The following CLEC2D variants were observed in gnomAD, a reference collection of about 807,000 sequenced individuals.
CLEC2D encodes the protein C-type lectin domain family 2 member D, also known as C-type lectin related f.
In CLEC2D, 16 loss-of-function variants were observed where a neutral mutation model predicts 20.0. The ratio of observed to expected loss-of-function variants is 0.80; its 90% CI spans 0.54 to 1.22. The LOEUF (loss-of-function observed/expected upper bound fraction) is 1.22, where lower values mean the gene tolerates loss of function less well. CLEC2D is among the 50% of genes most tolerant of loss of function. The probability of loss-of-function intolerance (pLI) is 0.00; values close to 1 mark genes in which losing one functional copy is unlikely to be tolerated. For missense variants in CLEC2D, 207 were observed against 221.5 expected, an observed-to-expected ratio of 0.93 and a Z score of 0.42; for synonymous variants, 77 against 71.1, an observed-to-expected ratio of 1.08 and a Z score of -0.42.
At chr12:9,690,231 A>G (rs756787045) in intron 3 of CLEC2D, among the ~76,000 whole-genome samples, 44 of 152,260 alleles carry the variant, frequency 2.9e-4, no homozygotes, top group African/African-American at 9.6e-4. Context: ...AAGAAAAAAT[A>G]AAACTGCCAA....
rs1865953195 is a variant in CLEC2D at position 9,695,191 on chromosome 12, A to C, written c.*317A>C. ...ATGACAGAAGGCAAATGGGAAGCAAAGTCATGTCTTATGTGGTGGCAGGCA... is the reference window on the plus strand; with the variant it reads ...ATGACAGAAGGCAAATGGGAAGCAACGTCATGTCTTATGTGGTGGCAGGCA... On this transcript the variant is annotated 3_prime_UTR_variant, in exon 5 of 5. Coordinates refer to ENST00000290855, the MANE Select transcript of CLEC2D (RefSeq NM_013269.6). 3.4e-6 allele frequency: 2 copies of C among 589,928 alleles called. No individual in the cohort carries two copies. The highest frequency in any genetic ancestry group is 6.0e-6 in the Non-Finnish European group (2 of 331,188). 36.5% of individuals were successfully genotyped at this position (589,928 alleles called of 1,614,324 possible).
At chr12:9,674,493 A>G (rs1010927460) in intron 1 of CLEC2D, among the ~76,000 whole-genome samples, 1 of 152,174 alleles carries the variant, frequency 6.6e-6, no homozygotes, top group East Asian at 1.9e-4. Context: ...TGCCTTCCGC[A>G]TTCATCTCAC....
At chr12:9,690,197 G>A (rs74469545) in intron 3 of CLEC2D, among the ~76,000 whole-genome samples, 7 of 151,906 alleles carry the variant, frequency 4.6e-5, no homozygotes, top group African/African-American at 1.2e-4. Context: ...AGAAGGTAGT[G>A]GAATGGCATA....
chr12:9,695,509 T>C lies in CLEC2D; in HGVS notation c.*635T>C. 1 of 1,258,302 alleles carries C rather than the reference T, an allele frequency of 7.9e-7. No individual in the cohort carries two copies. Among genetic ancestry groups the C allele is most frequent in the Non-Finnish European group, 1.1e-6 (1 of 872,054 alleles). The allele number at this position is 1,258,302 out of a possible 1,614,324, so 77.9% of individuals were successfully genotyped here. ...ATAATGATGAAAATGAGACCAGTTA[T>C]CTTTAAGAACGGTCAGCTCAGGGGC... On this transcript the variant is annotated 3_prime_UTR_variant, in exon 5 of 5. Coordinates refer to ENST00000290855, the MANE Select transcript of CLEC2D (RefSeq NM_013269.6).
rs1866032297 is a variant in CLEC2D, at chr12:9,697,774, A to G, written c.*2900A>G. 2 of 152,204 alleles carry G rather than the reference A, an allele frequency of 1.3e-5. No homozygotes were observed. Among genetic ancestry groups the G allele is most frequent in the South Asian group, 4.1e-4 (2 of 4,832 alleles). The allele number at this position is 152,204 out of a possible 1,614,324, so 9.4% of individuals were successfully genotyped here. On this transcript the variant is annotated 3_prime_UTR_variant, in exon 5 of 5. Coordinates refer to ENST00000290855, the MANE Select transcript of CLEC2D (RefSeq NM_013269.6). ...AGTAGAATGGTGGTTACCAGAGATGAGGAAAATACAGAGACACAGGTCAAA... is the reference window on the plus strand; with the variant it reads ...AGTAGAATGGTGGTTACCAGAGATGGGGAAAATACAGAGACACAGGTCAAA...
At chr12:9,690,338 A>C (rs1416810793) in intron 3 of CLEC2D, among the ~76,000 whole-genome samples, 1 of 152,146 alleles carries the variant, frequency 6.6e-6, no homozygotes, top group African/African-American at 2.4e-5. Context: ...TATTACCAGT[A>C]GACATGTGCT....
At chr12:9,688,900 T>C (rs1464262091) in intron 3 of CLEC2D, among the ~76,000 whole-genome samples, 1 of 152,200 alleles carries the variant, frequency 6.6e-6, no homozygotes, top group African/African-American at 2.4e-5. Context: ...GGGAAGAGTT[T>C]GATAAAGAGG....
intron 2 of CLEC2D, among the ~76,000 whole-genome samples, chr12:9,681,882 A>G (rs1591694275): frequency 6.6e-6 from 1 of 152,236 alleles, no homozygotes; most frequent in East Asian, 1.9e-4. Context: ...ACATTTATGA[A>G]GCAAAAATAA....
intron 3 of CLEC2D, among the ~76,000 whole-genome samples, chr12:9,689,130 A>G (rs1311271456): frequency 6.6e-6 from 1 of 152,220 alleles, no homozygotes; most frequent in Non-Finnish European, 1.5e-5. Flanking sequence ...GAAGTGGGCT[A>G]TCATTGCATC....
rs1049986217 is a variant in CLEC2D at position 9,697,790 on chromosome 12, A to G, written c.*2916A>G. On this transcript the variant is annotated 3_prime_UTR_variant, in exon 5 of 5. Coordinates refer to ENST00000290855, the MANE Select transcript of CLEC2D (RefSeq NM_013269.6). ...CCAGAGATGAGGAAAATACAGAGAC[A>G]CAGGTCAAAAGATACAGAGTTGCAG... is the stretch of plus-strand genomic sequence containing the variant. 1 of 152,212 alleles carries G rather than the reference A, an allele frequency of 6.6e-6. No individual in the cohort carries two copies. Among genetic ancestry groups the G allele is most frequent in the African/African-American group, 2.4e-5 (1 of 41,452 alleles). 9.4% of individuals were successfully genotyped at this position (152,212 alleles called of 1,614,324 possible).
At chr12:9,686,874 C>G (rs1865759551) in intron 2 of CLEC2D, among the ~76,000 whole-genome samples, 1 of 152,206 alleles carries the variant, frequency 6.6e-6, no homozygotes, top group African/African-American at 2.4e-5. Context: ...AGGAAGTTCA[C>G]TGTACAACAA....
intron 2 of CLEC2D, among the ~76,000 whole-genome samples, chr12:9,681,448 C>A (rs1337907780): frequency 2.6e-5 from 4 of 152,136 alleles, no homozygotes; most frequent in Non-Finnish European, 5.9e-5. Context: ...TCACAGGCAG[C>A]CTGTTCTTTC....
intron 1 of CLEC2D, among the ~76,000 whole-genome samples, chr12:9,676,224 G>C (rs961064099): frequency 2.6e-5 from 4 of 152,146 alleles, no homozygotes; most frequent in African/African-American, 4.8e-5. Flanking sequence ...CCTTGTCCTT[G>C]ATCTTAGTGG....
intron 3 of CLEC2D, among the ~76,000 whole-genome samples, chr12:9,689,296 G>C (rs1462461650): frequency 2.6e-5 from 4 of 152,052 alleles, no homozygotes; most frequent in Admixed American, 2.6e-4. Context: ...GCACAACAGA[G>C]AATAAAAATA....
chr12:9,692,006 CAAGGAAACACAGCA>C (rs1445183860), intron 3 of CLEC2D, among the ~76,000 whole-genome samples: 2 of 152,154 alleles, frequency 1.3e-5, no homozygotes, highest in South Asian at 2.1e-4. Flanking sequence ...TACACATTGA[CAAGGAAACACAGCA>C]AAGGAAACCA....
intron 1 of CLEC2D, among the ~76,000 whole-genome samples, chr12:9,674,906 T>A (rs1360409490): frequency 6.6e-6 from 1 of 152,200 alleles, no homozygotes; most frequent in African/African-American, 2.4e-5. Flanking sequence ...ATCTAGGCTT[T>A]CTCTTATATT....
At position 9,695,890 on chromosome 12, in the gene CLEC2D, G is replaced by T; in HGVS notation, c.*1016G>T. 1 of 1,113,392 alleles carries T rather than the reference G, an allele frequency of 9.0e-7. No homozygotes were observed. Among genetic ancestry groups the T allele is most frequent in the Non-Finnish European group, 1.4e-6 (1 of 737,832 alleles). The allele number at this position is 1,113,392 out of a possible 1,614,324, so 69.0% of individuals were successfully genotyped here. A position where few individuals can be genotyped will look rare whatever the true frequency, so the allele number is the denominator to read the frequency against. On this transcript the variant is annotated 3_prime_UTR_variant, in exon 5 of 5. Coordinates refer to ENST00000290855, the MANE Select transcript of CLEC2D (RefSeq NM_013269.6). The stretch of plus-strand genomic sequence containing the variant: ...TGATGATGAAGATGATGATGATGAT[G>T]ATGACGAGGAAGCTGAAGAAAAAGC...
Position 9,680,358 on chromosome 12 carries a change from G to A in CLEC2D, c.62-565G>A, listed in dbSNP as rs139472339. ...GCAGTTCTTCATAGCAGTGAGGATG[G>A]ACTAATACAACTGCTAACATTGTCT... is the stretch of plus-strand genomic sequence containing the variant. On this transcript the variant is annotated intron_variant, in intron 1 of 4. Coordinates refer to ENST00000290855, the MANE Select transcript of CLEC2D (RefSeq NM_013269.6). 5.9e-3 allele frequency: 990 copies of A among 168,972 alleles called. 13 individuals are homozygous for A. Among genetic ancestry groups the A allele is most frequent in the African/African-American group, 0.021 (871 of 42,018 alleles). The allele number at this position is 168,972 out of a possible 1,614,324, so 10.5% of individuals were successfully genotyped here.
chr12:9,681,462 C>A (rs1307847633), intron 2 of CLEC2D, among the ~76,000 whole-genome samples: 1 of 152,138 alleles, frequency 6.6e-6, no homozygotes, highest in Non-Finnish European at 1.5e-5. Flanking sequence ...TTCTTTCTTC[C>A]TAGCTATTTG....
Sources: allele counts gnomAD v4.1 joint callset (sites outside exome capture counted in the v4.1 genomes callset), GRCh38; gene constraint gnomAD v4.1.1; transcripts MANE v1.5; gene names NCBI Gene and HGNC (gene_info 2026-07-23, HGNC 2026-07-21).